The following JPH4 variants were observed in gnomAD, a reference collection of about 807,000 sequenced individuals.
The protein encoded by JPH4 is junctophilin-4.
Under a neutral mutation model 57.6 loss-of-function variants are expected in JPH4, and 18 were observed. The observed-to-expected ratio is 0.31, with a 90% CI of 0.22 to 0.46. The LOEUF (loss-of-function observed/expected upper bound fraction) is 0.46, where lower values mean the gene tolerates loss of function less well. Ranked by LOEUF, JPH4 falls within the 20% of genes least tolerant of loss-of-function variation. The pLI is 1.00. For missense variants in JPH4, 727 were observed against 911.1 expected (o/e 0.80, Z 2.60); for synonymous variants, 425 against 406.6 (o/e 1.05, Z -0.54).
At chr14:23,572,555 A>G (rs964359686) in intron 3 of JPH4, among the ~76,000 whole-genome samples, 1 of 151,054 alleles carries the variant, frequency 6.6e-6, no homozygotes, top group Non-Finnish European at 1.5e-5. Context: ...CCTTACTATT[A>G]ATCCTACCTC....
chr14:23,577,244 G>T lies in JPH4; in HGVS notation c.210C>A (p.Arg70=), dbSNP rs1889296940. The T allele has an allele frequency of 1.3e-6, 2 of 1,536,734 alleles. No homozygotes were observed. The highest frequency in any genetic ancestry group is 1.7e-6 in the Non-Finnish European group (2 of 1,145,196). Reference sequence around the variant, plus strand: ...TCTTGCGCTCCACGCCCAGCCCTTCGCGCTTGCCCTGCTGCCAGTGGCCCT... The same window carrying T: ...TCTTGCGCTCCACGCCCAGCCCTTCTCGCTTGCCCTGCTGCCAGTGGCCCT... ...SYQGHWQQGK[R]EGLGVERKSR... The change falls in exon 2 of 6, where the codon CGC becomes CGA. Residue 70 remains arginine (R), a synonymous_variant. Coordinates refer to ENST00000356300, the MANE Select transcript of JPH4 (RefSeq NM_001146028.2). This position sits in a 1 kb window ranked among gnomAD's most constrained non-coding sequence, Gnocchi z 8.4.
intron 3 of JPH4, chr14:23,572,786 A>C: frequency 1.5e-6 from 1 of 678,678 alleles, no homozygotes; most frequent in South Asian, 1.6e-5. Context: ...CATTGCAACT[A>C]CACTTCTGGC....
At position 23,576,124 on chromosome 14, in the gene JPH4, C is replaced by T. The variant is rs899312739; in HGVS notation, c.712G>A (p.Gly238Ser). The T allele has an allele frequency of 2.5e-4, 329 of 1,309,710 alleles. 1 individual carries two copies. Among genetic ancestry groups the T allele is most frequent in the Non-Finnish European group, 2.9e-4 (301 of 1,030,568 alleles). The allele number at this position is 1,309,710 out of a possible 1,614,324, so 81.1% of individuals were successfully genotyped here. ...LRAGGRRSSL[G>S]SKRGSLRSEV... Reference sequence around the variant, plus strand: ...CTGCGCAGGGAGCCTCGCTTGCTGCCCAGGGAGCTGCGACGTCCGCCCGCT... The same window carrying T: ...CTGCGCAGGGAGCCTCGCTTGCTGCTCAGGGAGCTGCGACGTCCGCCCGCT... The change falls in exon 3 of 6, where the codon GGC (glycine) becomes AGC (serine). Residue 238 changes from glycine (G) to serine (S), a missense_variant. This residue lies in a region of JPH4 where 131 missense variants were observed against 156.5 expected (regional missense o/e 0.84). Coordinates refer to ENST00000356300, the MANE Select transcript of JPH4 (RefSeq NM_001146028.2). The surrounding 1 kb of genome is among the most constrained non-coding windows in gnomAD (Gnocchi z 8.0).
In JPH4 at chr14:23,577,765, C is replaced by T. The variant is rs996564399; in HGVS notation, c.-171-141G>A. 7.9e-5 allele frequency: 21 copies of T among 265,912 alleles called. No individual in the cohort carries two copies. The highest frequency in any genetic ancestry group is 1.6e-4 in the South Asian group (1 of 6,446). 16.5% of individuals were successfully genotyped at this position (265,912 alleles called of 1,614,324 possible). On this transcript the variant is annotated intron_variant, in intron 1 of 5. Coordinates refer to ENST00000356300, the MANE Select transcript of JPH4 (RefSeq NM_001146028.2). The surrounding 1 kb of genome is among the most constrained non-coding windows in gnomAD (Gnocchi z 8.4). Reference sequence around the variant, plus strand: ...TTTGGCAGCATCTTCCAGCAGCCCCCAAGCTTTGGGGGAATGGGGGCTTCC... The same window carrying T: ...TTTGGCAGCATCTTCCAGCAGCCCCTAAGCTTTGGGGGAATGGGGGCTTCC...
At chr14:23,573,776 A>G (rs942978618) in intron 3 of JPH4, among the ~76,000 whole-genome samples, 2 of 152,004 alleles carry the variant, frequency 1.3e-5, no homozygotes, top group African/African-American at 4.8e-5. Context: ...TCTCCACCCT[A>G]TCTAGCCTAA....
In JPH4 at chr14:23,576,511, G is replaced by T; in HGVS notation, c.380-55C>A. On this transcript the variant is annotated intron_variant, in intron 2 of 5. Coordinates refer to ENST00000356300, the MANE Select transcript of JPH4 (RefSeq NM_001146028.2). This position sits in a 1 kb window ranked among gnomAD's most constrained non-coding sequence, Gnocchi z 8.0. ...GTCAGGACGTGCCGCTGGGCTCCTT[G>T]CGCCCCAAGTCCCAAGCGCCCCTGG... The T allele has an allele frequency of 7.5e-7, 1 of 1,328,406 alleles. No homozygotes were observed. The highest frequency in any genetic ancestry group is 3.1e-5 in the East Asian group (1 of 32,432). The allele number at this position is 1,328,406 out of a possible 1,614,324, so 82.3% of individuals were successfully genotyped here.
chr14:23,570,778 A>AT lies in JPH4; in HGVS notation c.1803+149dup, dbSNP rs1328848460. The AT allele has an allele frequency of 3.6e-5, 26 of 728,268 alleles. No individual in the cohort carries two copies. In the South Asian group the frequency reaches 1.0e-3, roughly 28 times the overall value. The allele number at this position is 728,268 out of a possible 1,614,324, so 45.1% of individuals were successfully genotyped here. A position where few individuals can be genotyped will look rare whatever the true frequency, so the allele number is the denominator to read the frequency against. On this transcript the variant is annotated intron_variant, in intron 5 of 5. Coordinates refer to ENST00000356300, the MANE Select transcript of JPH4 (RefSeq NM_001146028.2). ...GTTCCTTCCAGCTCGAACGCCCTCT[A>AT]TTTTTTTGAGGTGGGATGTGGTCCA...
In JPH4 at chr14:23,576,434, C is replaced by A; in HGVS notation, c.402G>T (p.Gln134His). Residue 134 changes from glutamine to histidine, a missense_variant, in exon 3 of 6, where the codon CAG becomes CAT. Transcript: ENST00000356300. The surrounding 1 kb of genome is among the most constrained non-coding windows in gnomAD (Gnocchi z 8.0). ...CCCCGTAGCCGTGGCGCTTCCCGGC[C>A]TGCCACTGGCCCTGGTAGGTGCCTG... ...SDGGTYQGQW[Q>H]AGKRHGYGVR... 2 of 1,448,300 alleles carry A rather than the reference C, an allele frequency of 1.4e-6. No individual in the cohort carries two copies. The highest frequency in any genetic ancestry group is 2.9e-5 in the East Asian group (1 of 34,600). 89.7% of individuals were successfully genotyped at this position (1,448,300 alleles called of 1,614,324 possible).
In JPH4 at chr14:23,568,808, G is replaced by C. The variant is rs1595389324; in HGVS notation, c.*826C>G. 1 of 985,868 alleles carries C rather than the reference G, an allele frequency of 1.0e-6. No homozygotes were observed. Among genetic ancestry groups the C allele is most frequent in the Non-Finnish European group, 1.2e-6 (1 of 830,060 alleles). The allele number at this position is 985,868 out of a possible 1,614,324, so 61.1% of individuals were successfully genotyped here. A position where few individuals can be genotyped will look rare whatever the true frequency, so the allele number is the denominator to read the frequency against. Reference sequence around the variant, plus strand: ...CCAGACCAACCAAATAAACTATTATGGGGGAGACAGAAGGGTGGGAGAAGT... The same window carrying C: ...CCAGACCAACCAAATAAACTATTATCGGGGAGACAGAAGGGTGGGAGAAGT... On this transcript the variant is annotated 3_prime_UTR_variant, in exon 6 of 6. Transcript: ENST00000356300.
rs1889267503 is a variant in JPH4 at position 23,576,135 on chromosome 14, C to T, written c.701G>A (p.Arg234His). The T allele has an allele frequency of 3.8e-6, 5 of 1,310,030 alleles. No individual in the cohort carries two copies. Among genetic ancestry groups the T allele is most frequent in the Non-Finnish European group, 3.9e-6 (4 of 1,029,026 alleles). The allele number at this position is 1,310,030 out of a possible 1,614,324, so 81.2% of individuals were successfully genotyped here. The change falls in exon 3 of 6, where the codon CGC (arginine) becomes CAC (histidine). Residue 234 changes from arginine (R) to histidine (H), a missense_variant. Transcript: ENST00000356300. This position sits in a 1 kb window ranked among gnomAD's most constrained non-coding sequence, Gnocchi z 8.0. Reference sequence around the variant, plus strand: ...GCCTCGCTTGCTGCCCAGGGAGCTGCGACGTCCGCCCGCTCGGAGCCCGCT... The same window carrying T: ...GCCTCGCTTGCTGCCCAGGGAGCTGTGACGTCCGCCCGCTCGGAGCCCGCT... The part of the protein sequence containing the change: ...LLSGLRAGGR[R>H]SSLGSKRGSL...
Position 23,577,126 on chromosome 14 carries a change from A to G in JPH4, c.328T>C (p.Trp110Arg). 1 of 1,560,322 alleles carries G rather than the reference A, an allele frequency of 6.4e-7. No individual in the cohort carries two copies. Among genetic ancestry groups the G allele is most frequent in the Non-Finnish European group, 8.6e-7 (1 of 1,161,364 alleles). Reference sequence around the variant, plus strand: ...TAGCCGTCCTGGAAACCGTCCTTCCAGAGCCCGGCGTAGCGCAGGCCGGAC... The same window carrying G: ...TAGCCGTCCTGGAAACCGTCCTTCCGGAGCCCGGCGTAGCGCAGGCCGGAC... ...SVSGLRYAGL[W>R]KDGFQDGYGT... The change falls in exon 2 of 6, where the codon TGG becomes CGG. Residue 110 changes from tryptophan to arginine, a missense_variant. By Grantham distance (101) the Trp-to-Arg change is moderately radical. Around this residue, in one of 7 missense-constraint regions of JPH4, gnomAD observed 90 missense variants for 88.1 expected, o/e 1.02. Transcript: ENST00000356300. The surrounding 1 kb of genome is among the most constrained non-coding windows in gnomAD (Gnocchi z 8.4).
In JPH4 at chr14:23,576,353, G is replaced by T; in HGVS notation, c.483C>A (p.Thr161=). The T allele has an allele frequency of 1.5e-6, 2 of 1,331,742 alleles. No homozygotes were observed. Among genetic ancestry groups the T allele is most frequent in the Non-Finnish European group, 1.9e-6 (2 of 1,045,248 alleles). 82.5% of individuals were successfully genotyped at this position (1,331,742 alleles called of 1,614,324 possible). A position where few individuals can be genotyped will look rare whatever the true frequency, so the allele number is the denominator to read the frequency against. ...GGTCGCTGTGGCCGGAATCCAGGGA[G>T]GTGCGGCGGGGCGAGCGCAGCAGCG... The part of the protein sequence containing the change: ...QAALLRSPRR[T]SLDSGHSDPP... Residue 161 remains threonine, a synonymous_variant, in exon 3 of 6, where the codon ACC becomes ACA. Coordinates refer to ENST00000356300, the MANE Select transcript of JPH4 (RefSeq NM_001146028.2). The surrounding 1 kb of genome is among the most constrained non-coding windows in gnomAD (Gnocchi z 8.0).
At position 23,576,038 on chromosome 14, in the gene JPH4, C is replaced by T; in HGVS notation, c.798G>A (p.Pro266=). The change falls in exon 3 of 6, where the codon CCG becomes CCA. Residue 266 remains proline, a synonymous_variant. Coordinates refer to ENST00000356300, the MANE Select transcript of JPH4 (RefSeq NM_001146028.2). This position sits in a 1 kb window ranked among gnomAD's most constrained non-coding sequence, Gnocchi z 8.0. ...GPPGSEASGP[P]AAAPPALIEG... is the part of the protein sequence containing the mutation. ...CGATGAGGGCGGGCGGCGCTGCGGC[C>T]GGGGGCCCGCTGGCCTCCGAGCCGG... is the stretch of plus-strand genomic sequence containing the variant. The T allele has an allele frequency of 5.3e-6, 7 of 1,325,188 alleles. No homozygotes were observed. The highest frequency in any genetic ancestry group is 5.2e-4 in the Middle Eastern group (2 of 3,864). 82.1% of individuals were successfully genotyped at this position (1,325,188 alleles called of 1,614,324 possible).
At position 23,570,567 on chromosome 14, in the gene JPH4, G is replaced by A. The variant is rs866052798; in HGVS notation, c.1803+361C>T. ...TTTTTTGTATTTTTAGTAGAGACGG[G>A]GTTTCACTGTATTAGCCAGGATGGT... On this transcript the variant is annotated intron_variant, in intron 5 of 5. Transcript: ENST00000356300. Among the ~76,000 whole-genome samples, 51 of 152,046 alleles carry A rather than the reference G, an allele frequency of 3.4e-4. No individual in the cohort carries two copies. In the Middle Eastern group the frequency reaches 0.014, roughly 41 times the overall value.
chr14:23,572,084 C>T (rs943234750), intron 3 of JPH4, among the ~76,000 whole-genome samples, 164 bp from the exon 4 acceptor site: 1 of 152,114 alleles, frequency 6.6e-6, no homozygotes, highest in African/African-American at 2.4e-5. Context: ...CCCTTCCTGG[C>T]AGGCCAGGGC....
rs184254039 is a variant in JPH4 at position 23,574,962 on chromosome 14, T to C, written c.1151+723A>G. On this transcript the variant is annotated intron_variant, in intron 3 of 5. Transcript: ENST00000356300. ...TCTTTTTGTTTTTTAATGTGGTTAC[T>C]AGGAGATTTAAAACTACCTATTTGG... 5.5e-4 allele frequency: 90 copies of C among 162,306 alleles called. No homozygotes were observed. The East Asian group carries it at 8.0e-3, about 14-fold the overall frequency. The allele number at this position is 162,306 out of a possible 1,614,324, so 10.1% of individuals were successfully genotyped here.
chr14:23,571,237 C>A lies in JPH4; in HGVS notation c.1494G>T (p.Glu498Asp). ...CTGCCTGTGCGCCTGCCCCCCCCCA[C>A]TCCTCAGGCCAAGCTTTGGGGCTGG... is the stretch of plus-strand genomic sequence containing the variant. ...PFSSPKAWPE[E>D]WGGAGAQAEE... Residue 498 changes from glutamate (E) to aspartate (D), a missense_variant, in exon 5 of 6, where the codon GAG (glutamate) becomes GAT (aspartate). Glu to Asp is a conservative substitution (Grantham distance 45, BLOSUM62 2). Coordinates refer to ENST00000356300, the MANE Select transcript of JPH4 (RefSeq NM_001146028.2). The surrounding 1 kb of genome is among the most constrained non-coding windows in gnomAD (Gnocchi z 4.6). 6.2e-7 allele frequency: 1 copy of A among 1,610,154 alleles called. No individual in the cohort carries two copies. Among genetic ancestry groups the A allele is most frequent in the Non-Finnish European group, 8.5e-7 (1 of 1,178,010 alleles).
Position 23,571,748 on chromosome 14 carries a change from C to G in JPH4, c.1270+54G>C. On this transcript the variant is annotated intron_variant, in intron 4 of 5. Coordinates refer to ENST00000356300, the MANE Select transcript of JPH4 (RefSeq NM_001146028.2). This position sits in a 1 kb window ranked among gnomAD's most constrained non-coding sequence, Gnocchi z 4.6. Reference sequence around the variant, plus strand: ...CTCATCTGTTTCCCCACACCTGAGCCTCTCTAGCTCCCTAGGGGCCTCACT... The same window carrying G: ...CTCATCTGTTTCCCCACACCTGAGCGTCTCTAGCTCCCTAGGGGCCTCACT... 1 of 1,500,712 alleles carries G rather than the reference C, an allele frequency of 6.7e-7. No individual in the cohort carries two copies. Among genetic ancestry groups the G allele is most frequent in the Non-Finnish European group, 9.2e-7 (1 of 1,085,834 alleles). The allele number at this position is 1,500,712 out of a possible 1,614,324, so 93.0% of individuals were successfully genotyped here.
chr14:23,569,713 G>A lies in JPH4; in HGVS notation c.1808C>T (p.Ala603Val). 6 of 1,548,486 alleles carry A rather than the reference G, an allele frequency of 3.9e-6. No homozygotes were observed. Among genetic ancestry groups the A allele is most frequent in the Non-Finnish European group, 5.2e-6 (6 of 1,145,384 alleles). ...GGCTCCCACCACCAGGGGGTTGGCA[G>A]CTCCCTAGAGAGACAGAGGGGGAAG... The part of the protein sequence containing the change: ...AATERPAQPG[A>V]ANPLVVGAVA... The change falls in exon 6 of 6, where the codon GCT (alanine) becomes GTT (valine). Residue 603 changes from alanine to valine, a missense_variant. Around this residue, in one of 7 missense-constraint regions of JPH4, gnomAD observed 293 missense variants for 279.8 expected, o/e 1.05. Coordinates refer to ENST00000356300, the MANE Select transcript of JPH4 (RefSeq NM_001146028.2). This position sits in a 1 kb window ranked among gnomAD's most constrained non-coding sequence, Gnocchi z 4.8.
Sources: gnomAD v4.1 joint callset for allele counts (sites outside exome capture counted in the v4.1 genomes callset) on GRCh38, gnomAD v4.1.1 for gene constraint, gnomAD v4.1.1 regional missense constraint, Gnocchi (gnomAD v3.1) non-coding constraint, MANE v1.5 for transcripts, NCBI Gene and HGNC (gene_info 2026-07-23, HGNC 2026-07-21) for gene names.